GAL3ST4: variants seen among roughly 807,000 people sequenced by gnomAD.
The protein encoded by GAL3ST4 is galactose-3-O-sulfotransferase 4.
In GAL3ST4, 30 loss-of-function variants were observed where a neutral mutation model predicts 31.6. The observed-to-expected ratio is 0.95, with a 90% CI of 0.71 to 1.29. The LOEUF (loss-of-function observed/expected upper bound fraction) is 1.29, where lower values mean the gene tolerates loss of function less well. GAL3ST4 is among the 50% of genes most tolerant of loss of function. The probability of loss-of-function intolerance (pLI) is 0.00; values close to 1 mark genes in which losing one functional copy is unlikely to be tolerated. For synonymous variants in GAL3ST4, 248 were observed against 256.9 expected (o/e 0.97, Z 0.33); for missense variants, 629 against 625.2 (o/e 1.01, Z -0.06).
At position 100,160,580 on chromosome 7, in the gene GAL3ST4, C is replaced by T. The variant is rs190271844; in HGVS notation, c.809G>A (p.Arg270His). The change falls in exon 4 of 4, where the codon CGC (arginine) becomes CAC (histidine). Residue 270 changes from arginine to histidine, a missense_variant. Arg to His is a conservative substitution (Grantham distance 29, BLOSUM62 0). Coordinates refer to ENST00000360039, the MANE Select transcript of GAL3ST4 (RefSeq NM_024637.5). ...AGAGGCAGGGCTTGATATCTGGCTG[C>T]GATGATCAGTAACAGTGGAAACAGG... The part of the protein sequence containing the change: ...IHPVSTVTDH[R>H]SQISSPASFD... The T allele has an allele frequency of 2.0e-5, 33 of 1,613,682 alleles. No homozygotes were observed. The highest frequency in any genetic ancestry group is 5.0e-5 in the Admixed American group (3 of 60,014).
At chr7:100,166,206 G>A (rs1383367853) in intron 3 of GAL3ST4, among the ~76,000 whole-genome samples, 1 of 152,202 alleles carries the variant, frequency 6.6e-6, no homozygotes, top group Non-Finnish European at 1.5e-5. Flanking sequence ...GGCACCTGGA[G>A]GGAGAGTTGG....
chr7:100,161,506 C>G (rs889981307), intron 3 of GAL3ST4, among the ~76,000 whole-genome samples: 2 of 151,638 alleles, frequency 1.3e-5, no homozygotes, highest in Non-Finnish European at 2.9e-5. Context: ...AAAAAATTAG[C>G]CAGGTGTGAT....
chr7:100,163,503 G>T (rs1799033618), intron 3 of GAL3ST4, among the ~76,000 whole-genome samples: 2 of 149,938 alleles, frequency 1.3e-5, no homozygotes, highest in Non-Finnish European at 3.0e-5. Context: ...TGAGGGGGAG[G>T]ACAGGAAATG....
At position 100,160,757 on chromosome 7, in the gene GAL3ST4, C is replaced by A. The variant is rs1347995361; in HGVS notation, c.632G>T (p.Trp211Leu). 2 of 1,614,134 alleles carry A rather than the reference C, an allele frequency of 1.2e-6. No homozygotes were observed. Among genetic ancestry groups the A allele is most frequent in the Non-Finnish European group, 1.7e-6 (2 of 1,180,034 alleles). ...GGGAAAGGGCAGGCCAAAGTCAAAC[C>A]ATAGTAAGTTGCGAGCGTAGTGGTC... Reference protein sequence around the residue: ...RGDHYARNLLWFDFGLPFPPE... With the variant: ...RGDHYARNLLLFDFGLPFPPE... The change falls in exon 4 of 4, where the codon TGG (tryptophan) becomes TTG (leucine). Residue 211 changes from tryptophan (W) to leucine (L), a missense_variant. Coordinates refer to ENST00000360039, the MANE Select transcript of GAL3ST4 (RefSeq NM_024637.5).
intron 1 of GAL3ST4, chr7:100,167,802 T>C (rs1299565951): frequency 1.3e-5 from 2 of 152,702 alleles, no homozygotes; most frequent in African/African-American, 4.8e-5. Context: ...GTAAGAGCCA[T>C]TGGGTTATAA....
rs528309446 is a variant in GAL3ST4, at chr7:100,160,850, C to T, written c.539G>A (p.Arg180His). The change falls in exon 4 of 4, where the codon CGC becomes CAC. Residue 180 changes from arginine (R) to histidine (H), a missense_variant. Transcript: ENST00000360039. ...GAAGGCAGCCAAAGATGGTGACTTGCGGAAGGCTGATGAGGTGGATTTATA... is the reference window on the plus strand; with the variant it reads ...GAAGGCAGCCAAAGATGGTGACTTGTGGAAGGCTGATGAGGTGGATTTATA... The part of the protein sequence containing the change: ...SYYKSTSSAF[R>H]KSPSLAAFLA... 1.4e-5 allele frequency: 23 copies of T among 1,614,080 alleles called. No individual in the cohort carries two copies. Among genetic ancestry groups the T allele is most frequent in the South Asian group, 3.3e-5 (3 of 91,076 alleles).
intron 3 of GAL3ST4, among the ~76,000 whole-genome samples, chr7:100,165,838 C>CAT (rs983151547): frequency 2.0e-5 from 3 of 150,860 alleles, no homozygotes; most frequent in Non-Finnish European, 4.4e-5. Flanking sequence ...CACACACACA[C>CAT]ACACACACAC....
intron 1 of GAL3ST4, chr7:100,167,973 T>A (rs1799102572): frequency 6.8e-6 from 1 of 147,360 alleles, no homozygotes; most frequent in Non-Finnish European, 1.5e-5. Flanking sequence ...ACTGAAAGGG[T>A]GGGGCTGGAG....
chr7:100,159,853 A>C lies in GAL3ST4; in HGVS notation c.*75T>G. On this transcript the variant is annotated 3_prime_UTR_variant, in exon 4 of 4. Coordinates refer to ENST00000360039, the MANE Select transcript of GAL3ST4 (RefSeq NM_024637.5). ...CCCTTCTGGGAGATGCAGAAATGGC[A>C]TCTTGCTGCCCCCCACTCATCACAT... 1 of 1,263,784 alleles carries C rather than the reference A, an allele frequency of 7.9e-7. No individual in the cohort carries two copies. The highest frequency in any genetic ancestry group is 1.4e-5 in the South Asian group (1 of 70,864). The allele number at this position is 1,263,784 out of a possible 1,614,324, so 78.3% of individuals were successfully genotyped here.
intron 3 of GAL3ST4, among the ~76,000 whole-genome samples, chr7:100,161,898 G>A (rs927223198): frequency 1.3e-5 from 2 of 151,988 alleles, no homozygotes; most frequent in South Asian, 4.2e-4. Context: ...TCACTCATAA[G>A]TAAGTGGGAG....
Position 100,159,738 on chromosome 7 carries a change from G to A in GAL3ST4, c.*190C>T. ...CCGTTTCAAAAAAAAAAAAAGTTGG[G>A]GGGAAAGAACAAAATGAGTGGAGGG... is the stretch of plus-strand genomic sequence containing the variant. On this transcript the variant is annotated 3_prime_UTR_variant, in exon 4 of 4. Transcript: ENST00000360039. 2 of 559,674 alleles carry A rather than the reference G, an allele frequency of 3.6e-6. No individual in the cohort carries two copies. Among genetic ancestry groups the A allele is most frequent in the Non-Finnish European group, 3.1e-6 (1 of 322,446 alleles). 34.7% of individuals were successfully genotyped at this position (559,674 alleles called of 1,614,324 possible).
In GAL3ST4 at chr7:100,159,676, T is replaced by G. The variant is rs1798962959; in HGVS notation, c.*252A>C. On this transcript the variant is annotated 3_prime_UTR_variant, in exon 4 of 4. Transcript: ENST00000360039. ...CAGAGGTTGCAGTGAGCCGAGATCA[T>G]GCCACTGCACTCCAGCCTGGGGGAC... 2 of 404,144 alleles carry G rather than the reference T, an allele frequency of 4.9e-6. No individual in the cohort carries two copies. The highest frequency in any genetic ancestry group is 8.9e-6 in the Non-Finnish European group (2 of 225,416). The allele number at this position is 404,144 out of a possible 1,614,324, so 25.0% of individuals were successfully genotyped here.
intron 3 of GAL3ST4, among the ~76,000 whole-genome samples, chr7:100,162,555 A>AC (rs1361834834): frequency 7.0e-6 from 1 of 141,914 alleles, no homozygotes; most frequent in East Asian, 2.1e-4. Context: ...AAAAAAAAAA[A>AC]AAAAAGAAAG....
intron 2 of GAL3ST4, 35 bp from the exon 3 acceptor site, chr7:100,166,840 C>T: frequency 6.4e-7 from 1 of 1,565,022 alleles, no homozygotes; most frequent in Non-Finnish European, 8.7e-7. Flanking sequence ...TCCTGTTCCT[C>T]AGCAGCAAAT....
chr7:100,160,066 A>G lies in GAL3ST4; in HGVS notation c.1323T>C (p.Ser441=). 6.2e-7 allele frequency: 1 copy of G among 1,613,668 alleles called. No homozygotes were observed. Among genetic ancestry groups the G allele is most frequent in the Non-Finnish European group, 8.5e-7 (1 of 1,179,912 alleles). ...CCTCTTGGTCTTGGGGGCTCAATCC[A>G]CTCCGAAGTATATAGCCCAAAACCT... is the stretch of plus-strand genomic sequence containing the variant. ...SAKVLGYILR[S]GLSPQDQEEC... The change falls in exon 4 of 4, where the codon AGT becomes AGC. Residue 441 remains serine, a synonymous_variant. Coordinates refer to ENST00000360039, the MANE Select transcript of GAL3ST4 (RefSeq NM_024637.5).
At chr7:100,164,843 T>G (rs1464439487) in intron 3 of GAL3ST4, among the ~76,000 whole-genome samples, 1 of 151,906 alleles carries the variant, frequency 6.6e-6, no homozygotes, top group African/African-American at 2.4e-5. Context: ...TCTGCCACTT[T>G]AATTTTCAAT....
At position 100,160,097 on chromosome 7, in the gene GAL3ST4, G is replaced by T. The variant is rs779344428; in HGVS notation, c.1292C>A (p.Ser431Ter). 3 of 1,614,142 alleles carry T rather than the reference G, an allele frequency of 1.9e-6. No individual in the cohort carries two copies. The highest frequency in any genetic ancestry group is 2.5e-6 in the Non-Finnish European group (3 of 1,180,010). The change falls in exon 4 of 4, where the codon TCA (serine) becomes TAA (stop). Residue 431 changes from serine (S) to a stop codon, truncating the protein, a stop_gained. Coordinates refer to ENST00000360039, the MANE Select transcript of GAL3ST4 (RefSeq NM_024637.5). LOFTEE classifies it high-confidence loss of function. ...AAGTATATAGCCCAAAACCTTAGCT[G>T]ACCCAAACTGGAAGGGGCGGAACCG... Reference protein sequence around the residue: ...DRRFRPFQFGSAKVLGYILRS... With the variant: ...DRRFRPFQFG
At chr7:100,166,829 G>T in intron 2 of GAL3ST4, 24 bp from the exon 3 acceptor site, 1 of 1,575,692 alleles carries the variant, frequency 6.3e-7, no homozygotes. Flanking sequence ...GAGGGGGAGT[G>T]TCCTGTTCCT....
At chr7:100,165,173 C>T (rs1467503045) in intron 3 of GAL3ST4, among the ~76,000 whole-genome samples, 1 of 149,508 alleles carries the variant, frequency 6.7e-6, no homozygotes, top group African/African-American at 2.5e-5. Context: ...TGCGCCCGGC[C>T]TTTTTTTTCT....
Sources: gnomAD v4.1 joint callset for allele counts (sites outside exome capture counted in the v4.1 genomes callset) on GRCh38, gnomAD v4.1.1 for gene constraint, MANE v1.5 for transcripts, NCBI Gene and HGNC (gene_info 2026-07-23, HGNC 2026-07-21) for gene names.